The following SHC4 variants were observed in gnomAD, a reference collection of about 807,000 sequenced individuals.
The protein encoded by SHC4 is SHC-transforming protein 4.
Under a neutral mutation model 69.4 loss-of-function variants are expected in SHC4, and 41 were observed. The observed-to-expected ratio is 0.59, with a 90% CI of 0.46 to 0.77. The LOEUF (loss-of-function observed/expected upper bound fraction) is 0.77. SHC4 is among the 30% of genes least tolerant of loss of function. The pLI is 0.00. For missense variants in SHC4, 777 were observed against 783.8 expected, an observed-to-expected ratio of 0.99 and a Z score of 0.10; for synonymous variants, 318 against 299.3, an observed-to-expected ratio of 1.06 and a Z score of -0.64.
chr15:48,846,602 G>C (rs1899097646), intron 9 of SHC4, among the ~76,000 whole-genome samples: 1 of 152,268 alleles, frequency 6.6e-6, no homozygotes, highest in Non-Finnish European at 1.5e-5. Flanking sequence ...TATACTGCAA[G>C]AATCTGTTTA....
chr15:48,921,875 A>T (rs1399160775), intron 2 of SHC4, among the ~76,000 whole-genome samples: 1 of 152,202 alleles, frequency 6.6e-6, no homozygotes, highest in Non-Finnish European at 1.5e-5. Flanking sequence ...GAGACTTAGT[A>T]TATAATATTG....
chr15:48,931,741 G>A (rs1480048575), intron 1 of SHC4, among the ~76,000 whole-genome samples: 1 of 152,072 alleles, frequency 6.6e-6, no homozygotes, highest in East Asian at 1.9e-4. Flanking sequence ...GAAAGCGAGA[G>A]ATTAGCCCCT....
At chr15:48,897,508 CCACACA>C (rs57034071) in intron 2 of SHC4, among the ~76,000 whole-genome samples, 13 of 142,984 alleles carry the variant, frequency 9.1e-5, no homozygotes, top group East Asian at 2.1e-4. Flanking sequence ...AGCAATGTCG[CCACACA>C]CACACACACA....
At chr15:48,862,095 T>C (rs547033616) in intron 6 of SHC4, among the ~76,000 whole-genome samples, 6 of 152,222 alleles carry the variant, frequency 3.9e-5, no homozygotes, top group South Asian at 2.1e-4. Context: ...ATTCAGTTCA[T>C]AGCTAATTAA....
At chr15:48,941,757 G>A (rs572749742) in intron 1 of SHC4, among the ~76,000 whole-genome samples, 2 of 152,222 alleles carry the variant, frequency 1.3e-5, no homozygotes, top group African/African-American at 4.8e-5. Flanking sequence ...TCTTCTTTTG[G>A]TGTTAATTTA....
At chr15:48,850,604 C>A (rs1899190964) in intron 9 of SHC4, among the ~76,000 whole-genome samples, 1 of 152,130 alleles carries the variant, frequency 6.6e-6, no homozygotes, top group African/African-American at 2.4e-5. Context: ...GACTAACTCA[C>A]AATATAACAT....
At chr15:48,898,894 C>T (rs1900268543) in intron 2 of SHC4, among the ~76,000 whole-genome samples, 1 of 152,046 alleles carries the variant, frequency 6.6e-6, no homozygotes, top group Non-Finnish European at 1.5e-5. Context: ...TTTATAAATT[C>T]AAAAGATTGT....
Position 48,851,265 on chromosome 15 carries a change from T to C in SHC4, c.1243-17A>G. Reference sequence around the variant, plus strand: ...GTTTCCAGGCTGCATGAACAACAAATTATGAAACATTTACAAACATAGTAC... The same window carrying C: ...GTTTCCAGGCTGCATGAACAACAAACTATGAAACATTTACAAACATAGTAC... On this transcript the variant is annotated splice_polypyrimidine_tract_variant and intron_variant, in intron 8 of 11. Coordinates refer to ENST00000332408, the MANE Select transcript of SHC4 (RefSeq NM_203349.4). The C allele has an allele frequency of 6.2e-7, 1 of 1,613,462 alleles. No individual in the cohort carries two copies. Among genetic ancestry groups the C allele is most frequent in the Non-Finnish European group, 8.5e-7 (1 of 1,179,598 alleles).
intron 1 of SHC4, among the ~76,000 whole-genome samples, chr15:48,952,265 G>T (rs887304401): frequency 6.6e-6 from 1 of 152,078 alleles, no homozygotes; most frequent in Non-Finnish European, 1.5e-5. Context: ...CCAATTTCTG[G>T]GGTTGTCCCT....
chr15:48,852,907 A>T (rs1486300981), intron 8 of SHC4, among the ~76,000 whole-genome samples: 2 of 128,356 alleles, frequency 1.6e-5, no homozygotes, highest in African/African-American at 5.3e-5. Flanking sequence ...GTCTCAAAAA[A>T]ATATATAAAA....
At chr15:48,838,412 A>G (rs763675647) in intron 10 of SHC4, among the ~76,000 whole-genome samples, 8 of 152,216 alleles carry the variant, frequency 5.3e-5, no homozygotes, top group Admixed American at 2.6e-4. Flanking sequence ...ATGATAATTG[A>G]CTGTATACTG....
Position 48,867,841 on chromosome 15 carries a change from G to A in SHC4, c.923C>T (p.Ala308Val). The change falls in exon 6 of 12, where the codon GCT becomes GTT. Residue 308 changes from alanine to valine, a missense_variant. Transcript: ENST00000332408. ...ACCTCGTTGATTAACTGGATCTTTAGCTACGTAGGCAACATAGTCTGTAGT... is the reference window on the plus strand; with the variant it reads ...ACCTCGTTGATTAACTGGATCTTTAACTACGTAGGCAACATAGTCTGTAGT... ...PDTTDYVAYV[A>V]KDPVNQRACH... is the part of the protein sequence containing the mutation. 6.2e-7 allele frequency: 1 copy of A among 1,613,600 alleles called. No homozygotes were observed. The highest frequency in any genetic ancestry group is 8.5e-7 in the Non-Finnish European group (1 of 1,179,722).
At chr15:48,924,559 G>C (rs1413804072) in intron 2 of SHC4, among the ~76,000 whole-genome samples, 1 of 152,164 alleles carries the variant, frequency 6.6e-6, no homozygotes, top group East Asian at 1.9e-4. Context: ...CTACTTCCTT[G>C]ACAGGTCTGA....
chr15:48,826,251 T>TA, intron 11 of SHC4, 125 bp from the exon 12 acceptor site: 13 of 917,504 alleles, frequency 1.4e-5, no homozygotes, highest in South Asian at 2.2e-5. Flanking sequence ...AAAGAAAAGG[T>TA]ACTTTTTTTT....
intron 1 of SHC4, among the ~76,000 whole-genome samples, chr15:48,939,030 A>G (rs1901126072): frequency 6.6e-6 from 1 of 152,240 alleles, no homozygotes; most frequent in African/African-American, 2.4e-5. Context: ...GGATCCAATC[A>G]GGTAATGCAT....
intron 3 of SHC4, among the ~76,000 whole-genome samples, chr15:48,888,456 CG>C (rs1180698478): frequency 6.6e-6 from 1 of 151,936 alleles, no homozygotes; most frequent in East Asian, 1.9e-4. Flanking sequence ...TGCCAGGGGC[CG>C]GGGCGATAGG....
At chr15:48,935,214 A>C (rs1734465028) in intron 1 of SHC4, among the ~76,000 whole-genome samples, 2 of 152,358 alleles carry the variant, frequency 1.3e-5, no homozygotes, top group African/African-American at 4.8e-5. Context: ...ATAATGGATA[A>C]ATGAATGAGG....
chr15:48,903,990 AT>A (rs1021665598), intron 2 of SHC4, among the ~76,000 whole-genome samples: 2 of 152,148 alleles, frequency 1.3e-5, no homozygotes, highest in East Asian at 1.9e-4. Context: ...TATCTCACAC[AT>A]TTTTTTTCTC....
chr15:48,870,920 A>C (rs1417948980), intron 5 of SHC4, among the ~76,000 whole-genome samples: 1 of 152,246 alleles, frequency 6.6e-6, no homozygotes, highest in African/African-American at 2.4e-5. Flanking sequence ...TAGGATATAC[A>C]ATTATTTCTC....
Sources: gnomAD v4.1 joint callset for allele counts (sites outside exome capture counted in the v4.1 genomes callset) on GRCh38, gnomAD v4.1.1 for gene constraint, MANE v1.5 for transcripts, NCBI Gene and HGNC (gene_info 2026-07-23, HGNC 2026-07-21) for gene names.